The following GRIK3 variants were observed in gnomAD, a reference collection of about 807,000 sequenced individuals.
GRIK3 encodes glutamate ionotropic receptor kainate type subunit 3.
In GRIK3, 29 loss-of-function variants were observed where a neutral mutation model predicts 102.5. That is an observed-to-expected ratio of 0.28 (90% CI 0.21 to 0.39). The LOEUF is 0.39. Ranked by LOEUF, GRIK3 falls within the 10% of genes least tolerant of loss-of-function variation. GRIK3 has a pLI of 1.00. For missense variants in GRIK3, 908 were observed against 1,252.4 expected, an observed-to-expected ratio of 0.73 and a Z score of 4.15; for synonymous variants, 511 against 504.9, an observed-to-expected ratio of 1.01 and a Z score of -0.16.
In GRIK3 at chr1:36,859,871, C is replaced by T. The variant is rs186444609; in HGVS notation, c.933G>A (p.Glu311=). 42 of 1,614,052 alleles carry T rather than the reference C, an allele frequency of 2.6e-5. No individual in the cohort carries two copies. Among genetic ancestry groups the T allele is most frequent in the Admixed American group, 1.0e-4 (6 of 60,018 alleles). ...MERLQAAPRS[E]SGLLDGVMMT... Reference sequence around the variant, plus strand: ...TCATCACTCCATCCAGCAGGCCAGACTCGGACCGGGGAGCTGCCTGCAGCC... The same window carrying T: ...TCATCACTCCATCCAGCAGGCCAGATTCGGACCGGGGAGCTGCCTGCAGCC... Residue 311 remains glutamate, a synonymous_variant, in exon 6 of 16, where the codon GAG becomes GAA. Transcript: ENST00000373091.
intron 1 of GRIK3, among the ~76,000 whole-genome samples, chr1:37,022,107 C>T (rs1478507451): frequency 6.6e-6 from 1 of 152,212 alleles, no homozygotes; most frequent in African/African-American, 2.4e-5. Flanking sequence ...GTCTATACAG[C>T]CTGAATCTCC....
At chr1:36,830,532 G>C (rs1167811645) in intron 10 of GRIK3, among the ~76,000 whole-genome samples, 1 of 152,138 alleles carries the variant, frequency 6.6e-6, no homozygotes, top group Non-Finnish European at 1.5e-5. Context: ...AGAGGAGACC[G>C]GGCGCAGTGG....
chr1:36,908,374 ACCCTCTCCCTCCTGGGTCCTCCTGCT>A (rs1242288164), intron 1 of GRIK3, among the ~76,000 whole-genome samples: 2 of 151,820 alleles, frequency 1.3e-5, no homozygotes, highest in Non-Finnish European at 2.9e-5. Flanking sequence ...GTTCTCCACT[ACCCTCTCCCTCCTGGGTCCTCCTGCT>A]CCCTCTCCCT....
chr1:37,021,106 G>A (rs919051504), intron 1 of GRIK3, among the ~76,000 whole-genome samples: 1 of 142,764 alleles, frequency 7.0e-6, no homozygotes, highest in African/African-American at 2.6e-5. Context: ...GTGTGTGTGT[G>A]TGTGTGTGTG....
chr1:37,007,627 C>T (rs865848009), intron 1 of GRIK3, among the ~76,000 whole-genome samples: 8 of 152,320 alleles, frequency 5.3e-5, no homozygotes, highest in South Asian at 4.1e-4. Context: ...CAAACGCTCC[C>T]GCACTATGTG....
At chr1:36,955,956 C>T (rs1451007031) in intron 1 of GRIK3, among the ~76,000 whole-genome samples, 2 of 152,262 alleles carry the variant, frequency 1.3e-5, no homozygotes, top group Non-Finnish European at 2.9e-5. Context: ...ACCAGATTCT[C>T]AGAACTGGTA....
Position 36,806,500 on chromosome 1 carries a change from C to T in GRIK3, c.2092-174G>A, listed in dbSNP as rs1338984936. Among the ~76,000 whole-genome samples, 1 of 152,134 alleles carries T rather than the reference C, an allele frequency of 6.6e-6. No individual in the cohort carries two copies. The highest frequency in any genetic ancestry group is 1.5e-5 in the Non-Finnish European group (1 of 68,018). ...AAATTGAGGCCCCGGGGCAAAGGTC[C>T]CCAAACACACAGCTGGCCAATGATA... is the stretch of plus-strand genomic sequence containing the variant. On this transcript the variant is annotated intron_variant, in intron 13 of 15. Transcript: ENST00000373091. The surrounding 1 kb of genome is among the most constrained non-coding windows in gnomAD (Gnocchi z 4.0).
chr1:36,837,391 C>T, intron 10 of GRIK3, among the ~76,000 whole-genome samples: 1 of 152,282 alleles, frequency 6.6e-6, no homozygotes, highest in Non-Finnish European at 1.5e-5. Flanking sequence ...GAATTCCATG[C>T]CCTGTCCGCA....
At chr1:36,816,163 C>T (rs2124188373) in intron 13 of GRIK3, among the ~76,000 whole-genome samples, 1 of 152,314 alleles carries the variant, frequency 6.6e-6, no homozygotes, top group Non-Finnish European at 1.5e-5. Context: ...CACCTGGTTC[C>T]TCCAGCTGGG....
intron 2 of GRIK3, among the ~76,000 whole-genome samples, chr1:36,885,679 G>A (rs1294474699): frequency 6.6e-6 from 1 of 152,120 alleles, no homozygotes; most frequent in East Asian, 1.9e-4. Context: ...GGACTTCCCA[G>A]CTGGGAAGAA....
chr1:37,001,712 C>T lies in GRIK3; in HGVS notation c.115+32282G>A, dbSNP rs149411547. ...AAGAAAACTCTTAGTTTGGATTTTC[C>T]CAGAGGCAAAACCTGAGATAAAGAT... On this transcript the variant is annotated intron_variant, in intron 1 of 15. Coordinates refer to ENST00000373091, the MANE Select transcript of GRIK3 (RefSeq NM_000831.4). 3.4e-3 allele frequency among the ~76,000 whole-genome samples: 522 copies of T among 152,256 alleles called. 4 individuals are homozygous for T. Among genetic ancestry groups the T allele is most frequent in the African/African-American group, 0.012 (479 of 41,528 alleles).
chr1:36,870,172 C>T (rs1640827605), intron 4 of GRIK3, among the ~76,000 whole-genome samples: 2 of 152,204 alleles, frequency 1.3e-5, no homozygotes. Flanking sequence ...TTCTCAAGTG[C>T]CCTGGACTCC....
At chr1:36,834,750 C>A (rs547235252) in intron 10 of GRIK3, among the ~76,000 whole-genome samples, 24 of 152,322 alleles carry the variant, frequency 1.6e-4, no homozygotes, top group African/African-American at 3.8e-4. Context: ...CCTGTCCCCA[C>A]CCCCTGCATG....
chr1:36,971,057 A>C (rs191937227), intron 1 of GRIK3, among the ~76,000 whole-genome samples: 60 of 152,296 alleles, frequency 3.9e-4, no homozygotes, highest in African/African-American at 1.4e-3. Flanking sequence ...CTGCTGTGGG[A>C]CATTGGCTGA....
At chr1:36,837,216 A>C (rs1640390285) in intron 10 of GRIK3, among the ~76,000 whole-genome samples, 1 of 152,144 alleles carries the variant, frequency 6.6e-6, no homozygotes, top group Non-Finnish European at 1.5e-5. Context: ...CTCAGCCTCC[A>C]GCCCTGCTCC....
chr1:36,855,442 C>G (rs924691017), intron 7 of GRIK3, among the ~76,000 whole-genome samples: 3 of 152,186 alleles, frequency 2.0e-5, no homozygotes, highest in African/African-American at 7.2e-5. Flanking sequence ...ACATGGGCAG[C>G]TCCAAGGTAC....
At chr1:36,836,270 C>T (rs900828841) in intron 10 of GRIK3, among the ~76,000 whole-genome samples, 3 of 152,232 alleles carry the variant, frequency 2.0e-5, no homozygotes, top group Non-Finnish European at 4.4e-5. Context: ...GGGGTCATGG[C>T]CTTGACATAA....
In GRIK3 at chr1:36,797,962, G is replaced by C. The variant is rs187832728; in HGVS notation, c.*3889C>G. ...AGGGCCTAGGGCATGGCAGGGGTTGGGGGTGGAGCCAGAGTGTGCTTCCAG... is the reference window on the plus strand; with the variant it reads ...AGGGCCTAGGGCATGGCAGGGGTTGCGGGTGGAGCCAGAGTGTGCTTCCAG... On this transcript the variant is annotated 3_prime_UTR_variant, in exon 16 of 16. Coordinates refer to ENST00000373091, the MANE Select transcript of GRIK3 (RefSeq NM_000831.4). The C allele has an allele frequency of 3.9e-3, 597 of 152,588 alleles. 2 individuals are homozygous for C. Among genetic ancestry groups the C allele is most frequent in the Non-Finnish European group, 5.4e-3 (371 of 68,242 alleles). The allele number at this position is 152,588 out of a possible 1,614,324, so 9.5% of individuals were successfully genotyped here.
intron 1 of GRIK3, among the ~76,000 whole-genome samples, chr1:37,017,036 GA>G (rs1226178329): frequency 6.6e-6 from 1 of 151,960 alleles, no homozygotes; most frequent in African/African-American, 2.4e-5. Flanking sequence ...CCAACATGGT[GA>G]AACTCTGTCT....
Sources: allele counts gnomAD v4.1 joint callset (sites outside exome capture counted in the v4.1 genomes callset), GRCh38; gene constraint gnomAD v4.1.1; non-coding constraint Gnocchi (gnomAD v3.1); transcripts MANE v1.5; gene names NCBI Gene and HGNC (gene_info 2026-07-23, HGNC 2026-07-21).